DENND1B: variants seen among roughly 807,000 people sequenced by gnomAD.
DENND1B encodes the protein DENN domain-containing protein 1B.
DENND1B carries 59 observed loss-of-function variants against 90.1 expected under a neutral mutation model. The ratio of observed to expected loss-of-function variants is 0.65; its 90% CI spans 0.53 to 0.81. The LOEUF (loss-of-function observed/expected upper bound fraction) is 0.81, where lower values mean the gene tolerates loss of function less well. Among genes scored for constraint, DENND1B ranks in the 40% least tolerant of loss-of-function variants. The probability of loss-of-function intolerance (pLI) is 0.00; values close to 1 mark genes in which losing one functional copy is unlikely to be tolerated. For synonymous variants in DENND1B, 337 were observed against 324.6 expected (o/e 1.04, Z -0.41); for missense variants, 862 against 912.6 (o/e 0.94, Z 0.71).
intron 15 of DENND1B, among the ~76,000 whole-genome samples, chr1:197,577,125 C>T (rs936815108): frequency 3.6e-4 from 55 of 151,896 alleles, no homozygotes; most frequent in African/African-American, 1.1e-3. Flanking sequence ...GAGGGACACT[C>T]AGGGAAGACT....
intron 3 of DENND1B, among the ~76,000 whole-genome samples, chr1:197,697,329 T>G (rs1240828875): frequency 6.6e-6 from 1 of 151,728 alleles, no homozygotes; most frequent in Admixed American, 6.6e-5. Flanking sequence ...AAAATTTATG[T>G]AAATCTTCAA....
At position 197,674,253 on chromosome 1, in the gene DENND1B, A is replaced by G. The variant is rs1309600169; in HGVS notation, c.127-84T>C. 8.2e-6 allele frequency: 8 copies of G among 974,998 alleles called. No individual in the cohort carries two copies. In the East Asian group the frequency reaches 1.8e-4, roughly 22 times the overall value. 60.4% of individuals were successfully genotyped at this position (974,998 alleles called of 1,614,324 possible). On this transcript the variant is annotated intron_variant, in intron 3 of 22. Transcript: ENST00000620048. ...TTAAAACTTCTTTGAGACATTTTCT[A>G]GGAGAAAAAGATGCTTTCTTTGTCC...
chr1:197,659,676 A>G (rs1654212109), intron 5 of DENND1B, among the ~76,000 whole-genome samples: 1 of 152,056 alleles, frequency 6.6e-6, no homozygotes, highest in Non-Finnish European at 1.5e-5. Flanking sequence ...GGTAAGCAGA[A>G]AGATAACTAA....
intron 14 of DENND1B, among the ~76,000 whole-genome samples, chr1:197,585,593 G>T (rs1674627625): frequency 6.6e-6 from 1 of 152,200 alleles, no homozygotes; most frequent in Non-Finnish European, 1.5e-5. Context: ...CAGATTTGCT[G>T]TCCATCCACT....
intron 18 of DENND1B, 194 bp downstream of exon 18, chr1:197,545,728 T>C (rs997173794): frequency 7.9e-6 from 4 of 504,994 alleles, no homozygotes; most frequent in Non-Finnish European, 1.4e-5. Flanking sequence ...TTTTAGATTA[T>C]ATAAAAGAAA....
intron 17 of DENND1B, among the ~76,000 whole-genome samples, chr1:197,546,238 C>T (rs1456614148): frequency 6.6e-6 from 1 of 152,062 alleles, no homozygotes; most frequent in Admixed American, 6.5e-5. Context: ...ATCATTTCTT[C>T]CTTGAAGCTT....
chr1:197,579,412 A>G (rs2125762199), intron 15 of DENND1B, among the ~76,000 whole-genome samples: 1 of 152,220 alleles, frequency 6.6e-6, no homozygotes, highest in African/African-American at 2.4e-5. Flanking sequence ...TGCTCCTTTG[A>G]AGGTAATCTT....
At chr1:197,562,984 CCTAA>C (rs1411946404) in intron 15 of DENND1B, among the ~76,000 whole-genome samples, 1 of 151,866 alleles carries the variant, frequency 6.6e-6, no homozygotes, top group Non-Finnish European at 1.5e-5. Flanking sequence ...AGAGCAAGGT[CCTAA>C]CTCTCTTCAA....
intron 2 of DENND1B, among the ~76,000 whole-genome samples, chr1:197,751,974 A>G (rs1205688666): frequency 5.6e-5 from 5 of 88,936 alleles, no homozygotes; most frequent in African/African-American, 1.2e-4. Flanking sequence ...GGAGGAGGAG[A>G]AGGAGAAGAA....
chr1:197,637,151 G>C (rs1208505608), intron 10 of DENND1B, among the ~76,000 whole-genome samples: 1 of 151,822 alleles, frequency 6.6e-6, no homozygotes, highest in Non-Finnish European at 1.5e-5. Flanking sequence ...TTTATTTAAT[G>C]TTGATTACAC....
At chr1:197,707,507 A>C (rs957877066) in intron 3 of DENND1B, among the ~76,000 whole-genome samples, 2 of 150,828 alleles carry the variant, frequency 1.3e-5, no homozygotes, top group Non-Finnish European at 3.0e-5. Context: ...TATTGTATAC[A>C]TGTATCAAAA....
At chr1:197,681,407 G>C (rs1469359265) in intron 3 of DENND1B, among the ~76,000 whole-genome samples, 1 of 152,088 alleles carries the variant, frequency 6.6e-6, no homozygotes, top group Non-Finnish European at 1.5e-5. Context: ...AATACCTTCA[G>C]AGTCATATCA....
At chr1:197,643,473 A>G (rs1436060044) in intron 9 of DENND1B, among the ~76,000 whole-genome samples, 2 of 152,054 alleles carry the variant, frequency 1.3e-5, no homozygotes, top group Non-Finnish European at 2.9e-5. Flanking sequence ...TGTTTTGTAA[A>G]CAAATACTTC....
chr1:197,697,638 A>G (rs1658573322), intron 3 of DENND1B, among the ~76,000 whole-genome samples: 1 of 151,930 alleles, frequency 6.6e-6, no homozygotes, highest in African/African-American at 2.4e-5. Flanking sequence ...CAAATTGGAT[A>G]GTCAAGACCC....
At chr1:197,558,371 G>A (rs899039543) in intron 15 of DENND1B, among the ~76,000 whole-genome samples, 25 of 151,530 alleles carry the variant, frequency 1.6e-4, no homozygotes, top group African/African-American at 5.8e-4. Context: ...TAATTCTCAA[G>A]ATCAATGACA....
chr1:197,577,764 G>C (rs564982174), intron 15 of DENND1B, among the ~76,000 whole-genome samples: 1 of 152,108 alleles, frequency 6.6e-6, no homozygotes, highest in Non-Finnish European at 1.5e-5. Context: ...ATTACCTGAA[G>C]AGAAATTCAT....
In DENND1B at chr1:197,566,724, C is replaced by A. The variant is rs565903662; in HGVS notation, c.1150-13612G>T. ...CCTTGTTTTTACAGAGTCTACAACA[C>A]AAGAAGGAGCCAAACAAACCAACAA... On this transcript the variant is annotated intron_variant, in intron 15 of 22. Transcript: ENST00000620048. Among the ~76,000 whole-genome samples the A allele has an allele frequency of 4.6e-5, 7 of 151,476 alleles. No individual in the cohort carries two copies. The South Asian group carries it at 1.5e-3, about 32-fold the overall frequency.
intron 2 of DENND1B, among the ~76,000 whole-genome samples, chr1:197,747,726 G>A (rs1196531944): frequency 6.6e-6 from 1 of 152,230 alleles, no homozygotes; most frequent in Non-Finnish European, 1.5e-5. Context: ...AAGCAGGCAT[G>A]CTTACTGCAC....
intron 3 of DENND1B, among the ~76,000 whole-genome samples, chr1:197,682,026 G>T (rs1275613795): frequency 6.6e-6 from 1 of 150,836 alleles, no homozygotes; most frequent in Non-Finnish European, 1.5e-5. Flanking sequence ...TCCCTAAACT[G>T]CTTGTTTTCC....
Sources: allele counts gnomAD v4.1 joint callset (sites outside exome capture counted in the v4.1 genomes callset), GRCh38; gene constraint gnomAD v4.1.1; transcripts MANE v1.5; gene names NCBI Gene and HGNC (gene_info 2026-07-23, HGNC 2026-07-21).